Variants in IL7 observed in about 807,000 individuals in gnomAD.
The protein encoded by IL7 is interleukin-7.
In IL7, 3 loss-of-function variants were observed where a neutral mutation model predicts 21.6. The ratio of observed to expected loss-of-function variants is 0.14; its 90% CI spans 0.06 to 0.36. The LOEUF (loss-of-function observed/expected upper bound fraction) is 0.36, where lower values mean the gene tolerates loss of function less well. Ranked by LOEUF, IL7 falls within the 10% of genes least tolerant of loss-of-function variation. IL7 has a pLI of 1.00. For missense variants in IL7, 175 were observed against 200.2 expected (o/e 0.87, Z 0.76); for synonymous variants, 62 against 68.1 (o/e 0.91, Z 0.44).
At chr8:78,761,153 G>A in intron 2 of IL7, 1 of 1,592,390 alleles carries the variant, frequency 6.3e-7, no homozygotes, top group Non-Finnish European at 8.5e-7. Flanking sequence ...TGTCCACTGA[G>A]AATGGCAGAT....
At chr8:78,772,463 G>T (rs1812989735) in intron 2 of IL7, among the ~76,000 whole-genome samples, 2 of 152,106 alleles carry the variant, frequency 1.3e-5, no homozygotes, top group Admixed American at 1.3e-4. Context: ...CCTTAATAGT[G>T]TTCAAGATAA....
rs781232858 is a variant in IL7 at position 78,804,951 on chromosome 8, T to C, written c.-29A>G. ...CTGCGGGAGGCGGGCGTAGTCATGA[T>C]GACCGCAACTGGAGCAGGAGCAAGC... is the stretch of plus-strand genomic sequence containing the variant. On this transcript the variant is annotated 5_prime_UTR_variant, in exon 1 of 6. Transcript: ENST00000263851. 4 of 1,609,944 alleles carry C rather than the reference T, an allele frequency of 2.5e-6. No homozygotes were observed. Among genetic ancestry groups the C allele is most frequent in the South Asian group, 1.1e-5 (1 of 90,554 alleles).
intron 2 of IL7, among the ~76,000 whole-genome samples, chr8:78,751,652 C>A (rs1459690254): frequency 6.6e-6 from 1 of 152,094 alleles, no homozygotes; most frequent in Non-Finnish European, 1.5e-5. Flanking sequence ...AATAGTCGTA[C>A]ATATTTATGG....
intron 2 of IL7, among the ~76,000 whole-genome samples, chr8:78,767,227 T>C (rs1812783804): frequency 1.3e-5 from 2 of 151,992 alleles, no homozygotes. Context: ...TGAGTGTGTG[T>C]GTGTGTCTGT....
intron 2 of IL7, among the ~76,000 whole-genome samples, chr8:78,780,299 T>C (rs891941180): frequency 6.6e-6 from 1 of 152,294 alleles, no homozygotes. Context: ...CCCTTGGTTC[T>C]CTAGTTCTTT....
intron 2 of IL7, among the ~76,000 whole-genome samples, chr8:78,791,619 G>A (rs1373277357): frequency 1.3e-5 from 2 of 152,114 alleles, no homozygotes; most frequent in East Asian, 3.9e-4. Flanking sequence ...CAGCCTGGGT[G>A]ATGGAGTGAG....
At chr8:78,688,500 A>G (rs1810099145) in intron 3 of IL7, among the ~76,000 whole-genome samples, 1 of 152,196 alleles carries the variant, frequency 6.6e-6, no homozygotes, top group Non-Finnish European at 1.5e-5. Flanking sequence ...AACCTGTTAA[A>G]TTAAGATTCT....
chr8:78,797,942 T>G, intron 2 of IL7, 130 bp downstream of exon 2: 1 of 631,790 alleles, frequency 1.6e-6, no homozygotes, highest in Non-Finnish European at 2.7e-6. Context: ...AGTAGCTCAT[T>G]AAATTTTATT....
intron 2 of IL7, among the ~76,000 whole-genome samples, chr8:78,764,829 G>A (rs1231730989): frequency 6.6e-6 from 1 of 151,970 alleles, no homozygotes; most frequent in Non-Finnish European, 1.5e-5. Flanking sequence ...TGACAAATTG[G>A]TTCTAAAGTT....
At chr8:78,803,052 C>T (rs963109676) in intron 1 of IL7, among the ~76,000 whole-genome samples, 6 of 152,104 alleles carry the variant, frequency 3.9e-5, no homozygotes, top group African/African-American at 9.7e-5. Context: ...GAATATGACA[C>T]GTAAGTTCGT....
chr8:78,785,606 G>A (rs994992747), intron 2 of IL7, among the ~76,000 whole-genome samples: 2 of 152,066 alleles, frequency 1.3e-5, no homozygotes, highest in Admixed American at 6.6e-5. Context: ...AAACTATGGC[G>A]TGAAGTACAA....
intron 3 of IL7, among the ~76,000 whole-genome samples, chr8:78,706,380 T>C (rs1282873536): frequency 6.6e-6 from 1 of 152,170 alleles, no homozygotes; most frequent in East Asian, 1.9e-4. Context: ...TTCCTGGGTC[T>C]TTGCCTGTGC....
chr8:78,762,652 AT>A (rs35466249), intron 2 of IL7, among the ~76,000 whole-genome samples: 42,473 of 145,938 alleles, frequency 0.29, 7,879 homozygotes, highest in African/African-American at 0.53. Context: ...TTCCCAATGC[AT>A]TTTTTTTTTT....
chr8:78,730,714 T>G (rs546863056), downstream of IL7, among the ~76,000 whole-genome samples: 4 of 152,056 alleles, frequency 2.6e-5, no homozygotes, highest in East Asian at 7.7e-4. Context: ...GCTTTTCCCC[T>G]TAGGAGCTGA....
chr8:78,730,555 T>C (rs1031977748), downstream of IL7, among the ~76,000 whole-genome samples: 11 of 151,942 alleles, frequency 7.2e-5, no homozygotes, highest in African/African-American at 2.4e-4. Flanking sequence ...TGGGCCATAT[T>C]GTCCTAAATT....
chr8:78,761,676 G>C, intron 2 of IL7: 1 of 1,611,978 alleles, frequency 6.2e-7, no homozygotes, highest in Non-Finnish European at 8.5e-7. Flanking sequence ...ACTTCCCTGA[G>C]AGTTTCTTCT....
chr8:78,675,789 A>T (rs997451545), exon 5 of IL7: 1 of 1,606,324 alleles, frequency 6.2e-7, no homozygotes. Flanking sequence ...TGTTTTAGAG[A>T]ATGGAGGTGT....
intron 5 of IL7, among the ~76,000 whole-genome samples, chr8:78,736,241 A>T (rs576095321): frequency 1.3e-5 from 2 of 152,050 alleles, no homozygotes; most frequent in East Asian, 3.9e-4. Flanking sequence ...AAAAAAAAAA[A>T]AAATCATGCT....
At chr8:78,741,212 A>G (rs1249978968) in intron 2 of IL7, among the ~76,000 whole-genome samples, 3 of 152,354 alleles carry the variant, frequency 2.0e-5, no homozygotes, top group African/African-American at 4.8e-5. Context: ...TTTAAAATGT[A>G]TATACTATCA....
Sources: gnomAD v4.1 joint callset for allele counts (sites outside exome capture counted in the v4.1 genomes callset) on GRCh38, gnomAD v4.1.1 for gene constraint, MANE v1.5 for transcripts, NCBI Gene and HGNC (gene_info 2026-07-23, HGNC 2026-07-21) for gene names.